Variants in IL13RA1 observed in about 807,000 individuals in gnomAD.
IL13RA1 encodes interleukin 13 receptor subunit alpha 1.
Under a neutral mutation model 33.8 loss-of-function variants are expected in IL13RA1, and 14 were observed. The observed-to-expected ratio is 0.41, with a 90% confidence interval of 0.27 to 0.65. IL13RA1 has a LOEUF of 0.65. Among genes scored for constraint, IL13RA1 ranks in the 30% least tolerant of loss-of-function variants. IL13RA1 has a pLI of 0.28. For synonymous variants in IL13RA1, 116 were observed against 115.7 expected (o/e 1.00, Z -0.02); for missense variants, 313 against 327.0 (o/e 0.96, Z 0.33).
At chrX:118,743,515 A>T (rs1479766658) in intron 2 of IL13RA1, among the ~76,000 whole-genome samples, 2 of 111,581 alleles carry the variant, frequency 1.8e-5, no homozygotes, top group Admixed American at 9.6e-5. Flanking sequence ...TAGAAGGAGG[A>T]TCTAGCATCA....
downstream of IL13RA1, among the ~76,000 whole-genome samples, chrX:118,796,685 G>A (rs930687299): frequency 7.2e-5 from 8 of 111,311 alleles, no homozygotes; most frequent in Admixed American, 6.6e-4. Context: ...CTAGGTGACC[G>A]CCACCACGCC....
At chrX:118,797,457 T>C (rs183980035), downstream of IL13RA1, among the ~76,000 whole-genome samples, 1 of 111,807 alleles carries the variant, frequency 8.9e-6, no homozygotes, top group Admixed American at 9.5e-5. Context: ...TTTCTTAATA[T>C]GCATGTATGA....
intron 6 of IL13RA1, among the ~76,000 whole-genome samples, chrX:118,765,472 C>T (rs902049290): frequency 1.8e-5 from 2 of 111,442 alleles, no homozygotes; most frequent in Non-Finnish European, 3.8e-5. Context: ...ATGAGATTCA[C>T]CAATGTTGTT....
intron 4 of IL13RA1, among the ~76,000 whole-genome samples, chrX:118,754,669 T>G (rs1025807903): frequency 5.9e-5 from 6 of 101,521 alleles, no homozygotes; most frequent in African/African-American, 2.2e-4. Flanking sequence ...TTATTATTAT[T>G]GTTATTATCC....
chrX:118,767,036 G>T (rs777035341), intron 8 of IL13RA1, 60 bp downstream of exon 8: 1 of 612,631 alleles, frequency 1.6e-6, no homozygotes, highest in Non-Finnish European at 2.5e-6. Context: ...CTAAGCTGAA[G>T]CAGAAAATAG....
At chrX:118,754,376 G>A (rs1354248469) in intron 4 of IL13RA1, among the ~76,000 whole-genome samples, 6 of 110,736 alleles carry the variant, frequency 5.4e-5, no homozygotes, top group African/African-American at 1.3e-4. Flanking sequence ...GGTGGCTCAC[G>A]CCTGTAATCC....
intron 10 of IL13RA1, among the ~76,000 whole-genome samples, chrX:118,783,186 T>A (rs1049445076): frequency 1.3e-4 from 15 of 112,095 alleles, no homozygotes. Context: ...CTTTAAATTA[T>A]AAAAACCTAT....
chrX:118,773,446 G>A (rs2017747329), intron 8 of IL13RA1, among the ~76,000 whole-genome samples: 2 of 111,906 alleles, frequency 1.8e-5, no homozygotes, highest in Non-Finnish European at 3.8e-5. Context: ...AGCCAAGATC[G>A]TGCTATTGCA....
intron 1 of IL13RA1, among the ~76,000 whole-genome samples, chrX:118,729,798 C>G (rs781720629): frequency 1.1e-4 from 12 of 112,031 alleles, no homozygotes; most frequent in Non-Finnish European, 9.4e-5. Flanking sequence ...GCGACCAAGA[C>G]CCTTGCCCAA....
intron 5 of IL13RA1, among the ~76,000 whole-genome samples, chrX:118,760,930 G>A (rs1250815531): frequency 8.9e-6 from 1 of 112,200 alleles, no homozygotes; most frequent in African/African-American, 3.2e-5. Context: ...TAAATGCTAT[G>A]TAAATAGTTG....
chrX:118,744,291 A>T (rs2997056), intron 2 of IL13RA1, among the ~76,000 whole-genome samples: 19,206 of 111,063 alleles, frequency 0.17, 1,490 homozygotes, highest in East Asian at 0.41. Flanking sequence ...GAAAGAAATT[A>T]AAAAAAAATT....
chrX:118,768,648 T>C, intron 8 of IL13RA1, among the ~76,000 whole-genome samples: 1 of 111,655 alleles, frequency 9.0e-6, no homozygotes. Flanking sequence ...ACAGTTAATC[T>C]AATGACTAGT....
chrX:118,803,296 C>T, the IL13RA1 span, among the ~76,000 whole-genome samples: 756 of 112,197 alleles, frequency 6.7e-3, 4 homozygotes, highest in Non-Finnish European at 0.011. Flanking sequence ...AGTAAGGAGA[C>T]TGTTACAGTG....
At chrX:118,766,396 C>A in intron 6 of IL13RA1, 134 bp from the exon 7 acceptor site, 1 of 375,367 alleles carries the variant, frequency 2.7e-6, no homozygotes, top group Non-Finnish European at 4.6e-6. Flanking sequence ...TAAAAAAGGC[C>A]AACCTTTTTT....
chrX:118,750,970 C>A (rs953327660), intron 4 of IL13RA1, among the ~76,000 whole-genome samples: 2 of 110,639 alleles, frequency 1.8e-5, no homozygotes, highest in Admixed American at 9.7e-5. Context: ...CCATGCCTGG[C>A]TAATTTTTGT....
At chrX:118,770,952 A>C in intron 8 of IL13RA1, 1 of 221,888 alleles carries the variant, frequency 4.5e-6, no homozygotes, top group Admixed American at 6.1e-5. Flanking sequence ...TCCTATTCCA[A>C]CCTCTCCTCA....
At position 118,769,924 on chromosome X, in the gene IL13RA1, C is replaced by T. The variant is rs2017693145; in HGVS notation, c.1009+2948C>T. 3 of 160,739 alleles carry T rather than the reference C, an allele frequency of 1.9e-5. No homozygotes were observed. In the South Asian group the frequency reaches 3.6e-4, roughly 19 times the overall value. 13.2% of individuals were successfully genotyped at this position (160,739 alleles called of 1,213,427 possible). A position where few individuals can be genotyped will look rare whatever the true frequency, so the allele number is the denominator to read the frequency against. On this transcript the variant is annotated intron_variant, in intron 8 of 10. Coordinates refer to ENST00000371666, the MANE Select transcript of IL13RA1 (RefSeq NM_001560.3). ...GGCTGCAGCTCTTCTTCTACGTGGG[C>T]CTGGCCTTCATCAGCCTGGACCTCT...
At chrX:118,744,887 T>C (rs749903102) in intron 2 of IL13RA1, among the ~76,000 whole-genome samples, 18 of 112,277 alleles carry the variant, frequency 1.6e-4, no homozygotes, top group African/African-American at 5.8e-4. Flanking sequence ...ACTGTACATT[T>C]TCCCCTGATG....
chrX:118,752,971 G>C (rs1387631157), intron 4 of IL13RA1, among the ~76,000 whole-genome samples: 2 of 112,020 alleles, frequency 1.8e-5, no homozygotes, highest in Non-Finnish European at 3.8e-5. Flanking sequence ...GATGTCTTGT[G>C]AGTTGGCAGC....
Sources: gnomAD v4.1 joint callset for allele counts (sites outside exome capture counted in the v4.1 genomes callset) on GRCh38, gnomAD v4.1.1 for gene constraint, MANE v1.5 for transcripts, NCBI Gene and HGNC (gene_info 2026-07-23, HGNC 2026-07-21) for gene names.